GTF2IRD1: variants seen among roughly 807,000 people sequenced by gnomAD.
GTF2IRD1 encodes general transcription factor II-I repeat domain-containing protein 1.
In GTF2IRD1, 26 loss-of-function variants were observed where a neutral mutation model predicts 113.2. The observed-to-expected ratio is 0.23, with a 90% CI of 0.17 to 0.32. The LOEUF (loss-of-function observed/expected upper bound fraction) is 0.32. GTF2IRD1 is among the 10% of genes least tolerant of loss of function. The pLI is 1.00. For synonymous variants in GTF2IRD1, 484 were observed against 529.1 expected, an observed-to-expected ratio of 0.91 and a Z score of 1.17; for missense variants, 864 against 1,280.8, an observed-to-expected ratio of 0.67 and a Z score of 4.97.
At chr7:74,535,051 C>A in intron 9 of GTF2IRD1, 62 bp from the exon 10 acceptor site, 1 of 1,422,526 alleles carries the variant, frequency 7.0e-7, no homozygotes, top group South Asian at 1.1e-5. Flanking sequence ...GGCATCTCCC[C>A]GAGCCCTGGG....
At chr7:74,546,015 A>G (rs1798904172) in intron 16 of GTF2IRD1, among the ~76,000 whole-genome samples, 1 of 151,762 alleles carries the variant, frequency 6.6e-6, no homozygotes, top group Non-Finnish European at 1.5e-5. Context: ...TCCCTGGCTC[A>G]CTCACTCACA....
chr7:74,480,673 T>C (rs1794687250), intron 1 of GTF2IRD1, among the ~76,000 whole-genome samples: 1 of 152,178 alleles, frequency 6.6e-6, no homozygotes, highest in South Asian at 2.1e-4. Context: ...CGGAGCCGTC[T>C]GCCCGGCGGA....
At chr7:74,509,346 G>T (rs991214152) in intron 2 of GTF2IRD1, among the ~76,000 whole-genome samples, 2 of 150,722 alleles carry the variant, frequency 1.3e-5, no homozygotes, top group Non-Finnish European at 3.0e-5. Context: ...AACAGAGGGG[G>T]ACTCCGTCTC....
chr7:74,560,576 T>TTA (rs1287075512), intron 22 of GTF2IRD1, among the ~76,000 whole-genome samples: 3 of 147,264 alleles, frequency 2.0e-5, no homozygotes, highest in Non-Finnish European at 3.0e-5. Flanking sequence ...ATAAAAAATA[T>TTA]TATATAGAGA....
rs781849655 is a variant in GTF2IRD1 at position 74,528,869 on chromosome 7, A to AGATGGATGGATG, written c.1091-822_1091-811dup. On this transcript the variant is annotated intron_variant, in intron 8 of 26. Transcript: ENST00000424337. ...TGAAAGGATGGATGGATGAATGGGC[A>AGATGGATGGATG]GATGGATGGATGGATGGATGGATGG... is the stretch of plus-strand genomic sequence containing the variant. Among the ~76,000 whole-genome samples, 10 of 101,750 alleles carry AGATGGATGGATG rather than the reference A, an allele frequency of 9.8e-5. No homozygotes were observed. The East Asian group carries it at 1.4e-3, about 14-fold the overall frequency. The allele number at this position is 101,750 out of a possible 152,430, so 66.8% of individuals were successfully genotyped here. A position where few individuals can be genotyped will look rare whatever the true frequency, so the allele number is the denominator to read the frequency against.
intron 9 of GTF2IRD1, among the ~76,000 whole-genome samples, chr7:74,531,164 A>C (rs1348225848): frequency 6.6e-6 from 1 of 152,028 alleles, no homozygotes; most frequent in Non-Finnish European, 1.5e-5. Flanking sequence ...TGAGGTCAAG[A>C]GTTTGAGACC....
intron 1 of GTF2IRD1, among the ~76,000 whole-genome samples, chr7:74,492,240 G>A (rs1466923983): frequency 2.7e-5 from 4 of 146,972 alleles, no homozygotes; most frequent in Admixed American, 1.4e-4. Context: ...GCGTGATCTC[G>A]GCTCACCGCA....
At chr7:74,513,088 C>CTTAG (rs782776639) in intron 3 of GTF2IRD1, 117 bp downstream of exon 3, 65 of 957,000 alleles carry the variant, frequency 6.8e-5, no homozygotes, top group Non-Finnish European at 8.0e-5. Flanking sequence ...GGGGAGTGAA[C>CTTAG]CTAACAAGCT....
intron 21 of GTF2IRD1, 59 bp downstream of exon 21, chr7:74,559,103 C>T: frequency 1.7e-5 from 25 of 1,463,494 alleles, no homozygotes; most frequent in Non-Finnish European, 2.4e-5. Flanking sequence ...GGAGCTTGCA[C>T]CTGCGAATCC....
At chr7:74,584,801 G>T (rs1229985320) in intron 22 of GTF2IRD1, among the ~76,000 whole-genome samples, 1 of 152,024 alleles carries the variant, frequency 6.6e-6, no homozygotes, top group Non-Finnish European at 1.5e-5. Context: ...TGGGTTTTTT[G>T]TGTGTTGTTG....
At chr7:74,471,535 G>T (rs1554332315) in intron 1 of GTF2IRD1, among the ~76,000 whole-genome samples, 1 of 151,944 alleles carries the variant, frequency 6.6e-6, no homozygotes, top group Non-Finnish European at 1.5e-5. Context: ...AATTAGCCAG[G>T]CACTGTGGCT....
intron 25 of GTF2IRD1, among the ~76,000 whole-genome samples, chr7:74,599,114 C>T (rs1802593159): frequency 6.6e-6 from 1 of 152,196 alleles, no homozygotes; most frequent in Non-Finnish European, 1.5e-5. Context: ...GGGCAACATA[C>T]AGAGACCCCG....
At chr7:74,468,700 GT>G (rs1793898253) in intron 1 of GTF2IRD1, among the ~76,000 whole-genome samples, 1 of 150,298 alleles carries the variant, frequency 6.7e-6, no homozygotes, top group African/African-American at 2.4e-5. Context: ...GTGTGTGTGT[GT>G]GTGTGTGTGT....
chr7:74,490,503 G>C (rs992366401), intron 1 of GTF2IRD1, among the ~76,000 whole-genome samples: 18 of 151,570 alleles, frequency 1.2e-4, no homozygotes, highest in Non-Finnish European at 2.1e-4. Flanking sequence ...TAGAGAGGGA[G>C]TATTCAGAGG....
Position 74,555,046 on chromosome 7 carries a change from G to T in GTF2IRD1, c.1917-128G>T. 1.2e-6 allele frequency: 1 copy of T among 824,414 alleles called. No homozygotes were observed. The highest frequency in any genetic ancestry group is 1.9e-6 in the Non-Finnish European group (1 of 518,348). 51.1% of individuals were successfully genotyped at this position (824,414 alleles called of 1,614,324 possible). A position where few individuals can be genotyped will look rare whatever the true frequency, so the allele number is the denominator to read the frequency against. ...CACATGTGGGGCGGCAGGGACTCCAGGCCTGAACTATGCATAGCCAGAAGG... is the reference window on the plus strand; with the variant it reads ...CACATGTGGGGCGGCAGGGACTCCATGCCTGAACTATGCATAGCCAGAAGG... On this transcript the variant is annotated intron_variant, in intron 17 of 26. Transcript: ENST00000424337. This position sits in a 1 kb window ranked among gnomAD's most constrained non-coding sequence, Gnocchi z 5.3.
At chr7:74,499,564 GAATGAATGCACACACTAAAGAATA>G (rs562897066) in intron 1 of GTF2IRD1, among the ~76,000 whole-genome samples, 29 of 152,302 alleles carry the variant, frequency 1.9e-4, no homozygotes, top group African/African-American at 6.0e-4. Context: ...AGGAATGGAT[GAATGAATGCACACACTAAAGAATA>G]AATGAATGCA....
chr7:74,596,160 A>T (rs587774610), intron 25 of GTF2IRD1: 21 of 152,010 alleles, frequency 1.4e-4, no homozygotes, highest in African/African-American at 5.1e-4. Flanking sequence ...CCCCATCTCA[A>T]CTGAAAATAG....
intron 17 of GTF2IRD1, among the ~76,000 whole-genome samples, chr7:74,550,481 G>A (rs1237176924): frequency 5.3e-5 from 8 of 152,048 alleles, no homozygotes; most frequent in Non-Finnish European, 8.8e-5. Flanking sequence ...CCAGCTACTT[G>A]GGAGGCTGAG....
intron 1 of GTF2IRD1, among the ~76,000 whole-genome samples, chr7:74,473,428 C>CT (rs1217283077): frequency 1.4e-3 from 192 of 141,576 alleles, no homozygotes; most frequent in African/African-American, 1.7e-3. Flanking sequence ...CAGCTCAGGG[C>CT]TTTTTTTTTT....
Sources: gnomAD v4.1 joint callset for allele counts (sites outside exome capture counted in the v4.1 genomes callset) on GRCh38, gnomAD v4.1.1 for gene constraint, Gnocchi (gnomAD v3.1) non-coding constraint, MANE v1.5 for transcripts, NCBI Gene and HGNC (gene_info 2026-07-23, HGNC 2026-07-21) for gene names.